MGAT4C: variants seen among roughly 807,000 people sequenced by gnomAD.
MGAT4C encodes alpha-1,3-mannosyl-glycoprotein 4-beta-N-acetylglucosaminyltransferase C.
In MGAT4C, 19 loss-of-function variants were observed where a neutral mutation model predicts 40.1. The ratio of observed to expected loss-of-function variants is 0.47; its 90% confidence interval spans 0.33 to 0.70. The LOEUF is 0.70. Ranked by LOEUF, MGAT4C falls within the 30% of genes least tolerant of loss-of-function variation. MGAT4C has a pLI of 0.02. For missense variants in MGAT4C, 491 were observed against 563.2 expected, an observed-to-expected ratio of 0.87 and a Z score of 1.30; for synonymous variants, 181 against 187.1, an observed-to-expected ratio of 0.97 and a Z score of 0.27.
intron 4 of MGAT4C, among the ~76,000 whole-genome samples, chr12:86,285,729 T>C (rs2136122814): frequency 6.6e-6 from 1 of 152,062 alleles, no homozygotes; most frequent in Non-Finnish European, 1.5e-5. Context: ...AAGATCTGTG[T>C]AAGATACTTT....
chr12:86,555,767 T>C (rs1959580298), intron 2 of MGAT4C, among the ~76,000 whole-genome samples: 2 of 152,190 alleles, frequency 1.3e-5, no homozygotes, highest in Non-Finnish European at 2.9e-5. Context: ...CCTGTTTCTT[T>C]GTTTGATCAC....
chr12:86,833,613 C>G (rs1449723472), intron 1 of MGAT4C, among the ~76,000 whole-genome samples: 2 of 151,878 alleles, frequency 1.3e-5, no homozygotes, highest in African/African-American at 4.8e-5. Context: ...TGAGGGCCTA[C>G]TCTAATGACT....
intron 2 of MGAT4C, among the ~76,000 whole-genome samples, chr12:86,044,941 G>C (rs1892238482): frequency 1.3e-5 from 2 of 152,100 alleles, no homozygotes; most frequent in African/African-American, 4.8e-5. Context: ...GGATTCCAGA[G>C]GTTCATGGTG....
chr12:86,651,761 A>G (rs1021344602), intron 2 of MGAT4C, among the ~76,000 whole-genome samples: 24 of 151,878 alleles, frequency 1.6e-4, no homozygotes, highest in Non-Finnish European at 8.8e-5. Context: ...ACTGGATTTC[A>G]TTTAGACTAA....
In MGAT4C at chr12:86,135,953, A is replaced by G. The variant is rs12319102; in HGVS notation, c.-56-86230T>C. On this transcript the variant is annotated intron_variant, in intron 1 of 4. Transcript: ENST00000611864. Reference sequence around the variant, plus strand: ...AGGGATACAGTTTAAACATGGAAAGATAAGAGAAGAAAATAATTTTGTTCA... The same window carrying G: ...AGGGATACAGTTTAAACATGGAAAGGTAAGAGAAGAAAATAATTTTGTTCA... Among the ~76,000 whole-genome samples the G allele has an allele frequency of 5.2e-3, 799 of 152,342 alleles. 9 individuals are homozygous for G. Among genetic ancestry groups the G allele is most frequent in the African/African-American group, 0.018 (763 of 41,582 alleles).
chr12:86,354,009 C>G (rs1010552306), intron 3 of MGAT4C, among the ~76,000 whole-genome samples: 1 of 152,112 alleles, frequency 6.6e-6, no homozygotes, highest in Admixed American at 6.6e-5. Context: ...ACGGTTCATC[C>G]CAACCTATGT....
chr12:86,240,824 C>T (rs1459216656), intron 1 of MGAT4C, among the ~76,000 whole-genome samples: 3 of 152,138 alleles, frequency 2.0e-5, no homozygotes, highest in East Asian at 3.9e-4. Context: ...TACATGGCTG[C>T]ATATCAACGT....
intron 2 of MGAT4C, among the ~76,000 whole-genome samples, chr12:86,578,957 A>G (rs1467222631): frequency 6.6e-6 from 1 of 150,794 alleles, no homozygotes; most frequent in Non-Finnish European, 1.5e-5. Flanking sequence ...TTTGAAATCT[A>G]TTTTTTCTGA....
At chr12:86,808,809 C>T (rs1952414040) in intron 1 of MGAT4C, among the ~76,000 whole-genome samples, 1 of 151,846 alleles carries the variant, frequency 6.6e-6, no homozygotes, top group South Asian at 2.1e-4. Context: ...ATAAAAATTC[C>T]TCTTTTCAAA....
At chr12:86,795,271 T>C (rs1191050744) in intron 1 of MGAT4C, among the ~76,000 whole-genome samples, 2 of 151,934 alleles carry the variant, frequency 1.3e-5, no homozygotes, top group Non-Finnish European at 2.9e-5. Flanking sequence ...TCCCATGTCA[T>C]AATTAAGAAA....
chr12:86,474,697 A>G (rs1957807106), intron 2 of MGAT4C, among the ~76,000 whole-genome samples: 1 of 152,042 alleles, frequency 6.6e-6, no homozygotes, highest in Non-Finnish European at 1.5e-5. Flanking sequence ...TTTTTTTATA[A>G]GAAAGCCCAT....
intron 1 of MGAT4C, among the ~76,000 whole-genome samples, chr12:86,138,310 T>A (rs839139): frequency 1.3e-5 from 2 of 148,990 alleles, no homozygotes; most frequent in South Asian, 2.1e-4. Context: ...GTTACAATCA[T>A]TTTTTTTTTT....
chr12:86,692,982 G>C (rs1250892633), intron 2 of MGAT4C, among the ~76,000 whole-genome samples: 1 of 152,154 alleles, frequency 6.6e-6, no homozygotes, highest in Admixed American at 6.6e-5. Context: ...TCTGTAACTA[G>C]AGTGGCCTGA....
At chr12:86,116,910 C>G (rs1251990419) in intron 1 of MGAT4C, among the ~76,000 whole-genome samples, 1 of 151,890 alleles carries the variant, frequency 6.6e-6, no homozygotes, top group East Asian at 1.9e-4. Flanking sequence ...TTGTATATAA[C>G]AGGAAAATAT....
At chr12:86,835,384 C>T (rs1278127503) in intron 1 of MGAT4C, among the ~76,000 whole-genome samples, 1 of 151,836 alleles carries the variant, frequency 6.6e-6, no homozygotes. Flanking sequence ...AAAGCAGAAG[C>T]TGTCTTTTAT....
chr12:86,088,531 C>G (rs570434945), intron 1 of MGAT4C, among the ~76,000 whole-genome samples: 27 of 151,936 alleles, frequency 1.8e-4, no homozygotes, highest in African/African-American at 6.3e-4. Context: ...AATTTAAAAG[C>G]AGAAAACAAG....
At position 86,049,669 on chromosome 12, in the gene MGAT4C, C is replaced by A. The variant is rs1257923017; in HGVS notation, c.-7+5G>T. The stretch of plus-strand genomic sequence containing the variant: ...AATACTACCATGAATGACATAGAAT[C>A]TCACCTTAAGAAAGACGCTGTCATA... On this transcript the variant is annotated splice_donor_5th_base_variant and intron_variant, in intron 2 of 4. Coordinates refer to ENST00000611864, the MANE Select transcript of MGAT4C (RefSeq NM_001351288.2). 7.1e-6 allele frequency: 7 copies of A among 981,814 alleles called. No individual in the cohort carries two copies. The East Asian group carries it at 8.0e-4, about 112-fold the overall frequency. 60.8% of individuals were successfully genotyped at this position (981,814 alleles called of 1,614,324 possible).
chr12:86,043,161 C>T (rs1044139551), intron 2 of MGAT4C, among the ~76,000 whole-genome samples: 51 of 152,118 alleles, frequency 3.4e-4, no homozygotes, highest in African/African-American at 1.2e-3. Context: ...GTGATACCAT[C>T]TGTATTAGGG....
intron 1 of MGAT4C, among the ~76,000 whole-genome samples, chr12:86,168,015 A>G: frequency 7.4e-6 from 1 of 135,924 alleles, no homozygotes; most frequent in African/African-American, 2.5e-5. Context: ...AAGTTTTCAT[A>G]AGAAGGTAGA....
Sources: allele counts gnomAD v4.1 joint callset (sites outside exome capture counted in the v4.1 genomes callset), GRCh38; gene constraint gnomAD v4.1.1; transcripts MANE v1.5; gene names NCBI Gene and HGNC (gene_info 2026-07-23, HGNC 2026-07-21).